VPS13C: variants seen among roughly 807,000 people sequenced by gnomAD.
VPS13C encodes the protein vacuolar protein sorting 13 homolog C.
In VPS13C, 358 loss-of-function variants were observed where a neutral mutation model predicts 456.8. That is an observed-to-expected ratio of 0.78 (90% CI 0.72 to 0.86). The LOEUF is 0.86. Among genes scored for constraint, VPS13C ranks in the 40% least tolerant of loss-of-function variants. VPS13C has a pLI of 0.00. For synonymous variants in VPS13C, 1,578 were observed against 1,486.7 expected (o/e 1.06, Z -1.41); for missense variants, 4,818 against 4,385.4 (o/e 1.10, Z -2.79).
chr15:62,012,091 T>G lies in VPS13C; in HGVS notation c.883+16A>C, dbSNP rs761137440. Reference sequence around the variant, plus strand: ...TTTCTTCCTATAACATGAAATAAACTTTTACTATTACTTACTGTATTGATA... The same window carrying G: ...TTTCTTCCTATAACATGAAATAAACGTTTACTATTACTTACTGTATTGATA... On this transcript the variant is annotated intron_variant, in intron 12 of 84. Transcript: ENST00000644861. The G allele has an allele frequency of 2.2e-6, 3 of 1,390,154 alleles. No individual in the cohort carries two copies. Among genetic ancestry groups the G allele is most frequent in the Non-Finnish European group, 3.0e-6 (3 of 987,986 alleles). 86.1% of individuals were successfully genotyped at this position (1,390,154 alleles called of 1,614,324 possible).
At chr15:61,946,586 T>A (rs987604276) in intron 43 of VPS13C, among the ~76,000 whole-genome samples, 176 bp from the exon 44 acceptor site, 6 of 151,642 alleles carry the variant, frequency 4.0e-5, no homozygotes, top group Non-Finnish European at 8.8e-5. Context: ...AATAATACCT[T>A]TAAATAATAA....
chr15:61,875,067 G>C, intron 76 of VPS13C, 116 bp from the exon 77 acceptor site: 1 of 874,490 alleles, frequency 1.1e-6, no homozygotes, highest in Non-Finnish European at 1.6e-6. Context: ...CATAAACATT[G>C]TGATGAATCA....
Position 62,060,426 on chromosome 15 carries a change from T to G in VPS13C, c.-52A>C. 1 of 957,088 alleles carries G rather than the reference T, an allele frequency of 1.0e-6. No homozygotes were observed. Among genetic ancestry groups the G allele is most frequent in the Non-Finnish European group, 1.6e-6 (1 of 625,078 alleles). 59.3% of individuals were successfully genotyped at this position (957,088 alleles called of 1,614,324 possible). On this transcript the variant is annotated 5_prime_UTR_variant, in exon 1 of 85. Coordinates refer to ENST00000644861, the MANE Select transcript of VPS13C (RefSeq NM_020821.3). ...AGGAGCCGGAACCGCCCGGCGCAGC[T>G]GAGGGCTGCGACCAGCGCTGCAAAT... is the stretch of plus-strand genomic sequence containing the variant.
chr15:62,006,516 T>C (rs1025965591), intron 15 of VPS13C, among the ~76,000 whole-genome samples: 16 of 152,224 alleles, frequency 1.1e-4, no homozygotes, highest in African/African-American at 3.9e-4. Flanking sequence ...GTTGGACATT[T>C]GGATTGGTTC....
chr15:61,910,166 T>C lies in VPS13C; in HGVS notation c.8844+11A>G. 3 of 1,299,500 alleles carry C rather than the reference T, an allele frequency of 2.3e-6. No homozygotes were observed. Among genetic ancestry groups the C allele is most frequent in the Non-Finnish European group, 3.0e-6 (3 of 1,014,752 alleles). The allele number at this position is 1,299,500 out of a possible 1,614,324, so 80.5% of individuals were successfully genotyped here. On this transcript the variant is annotated intron_variant, in intron 64 of 84. Coordinates refer to ENST00000644861, the MANE Select transcript of VPS13C (RefSeq NM_020821.3). ...ATAAAAATAAAAATAAAATAAAATA[T>C]GAAAACTTACCAGATCTTCTAAGCT... is the stretch of plus-strand genomic sequence containing the variant.
At chr15:61,873,481 A>C (rs1205396396) in intron 77 of VPS13C, 72 bp from the exon 78 acceptor site, 29 of 1,433,810 alleles carry the variant, frequency 2.0e-5, no homozygotes. Flanking sequence ...CAAGAAAACA[A>C]ATAATCTGAT....
At chr15:61,863,630 T>A (rs1219489181) in intron 81 of VPS13C, 102 bp from the exon 82 acceptor site, 6 of 666,472 alleles carry the variant, frequency 9.0e-6, no homozygotes. Flanking sequence ...AGGAAAAAAT[T>A]AATTAGAAAT....
intron 84 of VPS13C, 48 bp from the exon 85 acceptor site, chr15:61,854,606 CATT>C (rs1269071498): frequency 3.2e-6 from 5 of 1,585,358 alleles, no homozygotes; most frequent in Admixed American, 1.7e-5. Context: ...AGTATAGGCT[CATT>C]TGGTTGAAGG....
In VPS13C at chr15:61,942,054, T is replaced by C; in HGVS notation, c.5162A>G (p.Asn1721Ser). The change falls in exon 46 of 85, where the codon AAT (asparagine) becomes AGT (serine). Residue 1721 changes from asparagine to serine, a missense_variant. Asn to Ser is a conservative substitution (Grantham distance 46, BLOSUM62 1). Transcript: ENST00000644861. ...CAAAGCTTCTTTAGCAGTTTGGAAA[T>C]TGTTGAGGAAGTTCTGTTGGAAGAG... ...FFMSLLNFLN[N>S]FQTAKEALST... The C allele has an allele frequency of 5.7e-6, 9 of 1,584,164 alleles. No homozygotes were observed. The highest frequency in any genetic ancestry group is 1.3e-5 in the African/African-American group (1 of 74,422).
At chr15:62,032,806 A>G (rs1184337297) in intron 5 of VPS13C, among the ~76,000 whole-genome samples, 6 of 151,778 alleles carry the variant, frequency 4.0e-5, no homozygotes. Flanking sequence ...TAAACAATAG[A>G]TGTCTGGAAA....
chr15:62,041,727 G>A (rs2048249038), intron 2 of VPS13C, among the ~76,000 whole-genome samples: 1 of 152,064 alleles, frequency 6.6e-6, no homozygotes, highest in South Asian at 2.1e-4. Context: ...GGCTGAGGCA[G>A]GAGAATCGCC....
intron 66 of VPS13C, among the ~76,000 whole-genome samples, chr15:61,894,641 CAA>C (rs1046283293): frequency 1.3e-5 from 2 of 151,548 alleles, no homozygotes; most frequent in African/African-American, 4.8e-5. Flanking sequence ...CAAAAAGAGA[CAA>C]AGTCACTATA....
chr15:61,902,212 GTAAC>G (rs1414540997), intron 66 of VPS13C, among the ~76,000 whole-genome samples: 4 of 150,870 alleles, frequency 2.7e-5, no homozygotes, highest in African/African-American at 9.8e-5. Context: ...GTATACATAT[GTAAC>G]TAACCTGCAC....
rs971937113 is a variant in VPS13C at position 61,853,706 on chromosome 15, TA to T, written c.*750del. ...GTTCAATTATTGAACAAATCACTCT[TA>T]AACAAAATGTCAGGATCCAACATTT... On this transcript the variant is annotated 3_prime_UTR_variant, in exon 85 of 85. Transcript: ENST00000644861. The T allele has an allele frequency of 7.9e-5, 12 of 152,288 alleles. No individual in the cohort carries two copies. The highest frequency in any genetic ancestry group is 4.1e-4 in the South Asian group (2 of 4,822). The allele number at this position is 152,288 out of a possible 1,614,324, so 9.4% of individuals were successfully genotyped here. A position where few individuals can be genotyped will look rare whatever the true frequency, so the allele number is the denominator to read the frequency against.
At chr15:62,014,050 T>G in intron 9 of VPS13C, 58 bp from the exon 10 acceptor site, 9 of 1,246,860 alleles carry the variant, frequency 7.2e-6, no homozygotes, top group Non-Finnish European at 1.0e-5. Flanking sequence ...AATAGCGCTC[T>G]AATACTTACA....
chr15:61,990,798 G>A (rs562771003), intron 18 of VPS13C, among the ~76,000 whole-genome samples: 5 of 152,172 alleles, frequency 3.3e-5, no homozygotes, highest in South Asian at 4.1e-4. Context: ...GTGACAGAGC[G>A]AGACTCCATC....
At chr15:61,886,156 G>C (rs1258784953) in intron 67 of VPS13C, among the ~76,000 whole-genome samples, 2 of 152,112 alleles carry the variant, frequency 1.3e-5, no homozygotes, top group Non-Finnish European at 2.9e-5. Flanking sequence ...TCCTGGCTTA[G>C]CTAACAAGTA....
At chr15:62,013,003 G>A in intron 11 of VPS13C, 36 bp downstream of exon 11, 1 of 1,530,304 alleles carries the variant, frequency 6.5e-7, no homozygotes. Flanking sequence ...AGGGATGGGA[G>A]TGAAGTTAGC....
chr15:61,974,472 A>G, intron 24 of VPS13C, 55 bp from the exon 25 acceptor site: 9 of 1,572,290 alleles, frequency 5.7e-6, no homozygotes, highest in Non-Finnish European at 7.8e-6. Context: ...CAAACGAGGG[A>G]AAGAATTGCA....
Sources: allele counts gnomAD v4.1 joint callset (sites outside exome capture counted in the v4.1 genomes callset), GRCh38; gene constraint gnomAD v4.1.1; transcripts MANE v1.5; gene names NCBI Gene and HGNC (gene_info 2026-07-23, HGNC 2026-07-21).